The following SH3BP4 variants were observed in gnomAD, a reference collection of about 807,000 sequenced individuals.
SH3BP4 encodes the protein SH3 domain binding protein 4, also known as SH3 domain-binding protein 4.
SH3BP4 carries 33 observed loss-of-function variants against 65.5 expected under a neutral mutation model. The ratio of observed to expected loss-of-function variants is 0.50; its 90% confidence interval spans 0.38 to 0.67. SH3BP4 has a LOEUF of 0.67. Among genes scored for constraint, SH3BP4 ranks in the 30% least tolerant of loss-of-function variants. The pLI is 0.00. For missense variants in SH3BP4, 1,134 were observed against 1,261.4 expected, an observed-to-expected ratio of 0.90 and a Z score of 1.53; for synonymous variants, 552 against 545.5, an observed-to-expected ratio of 1.01 and a Z score of -0.17.
intron 2 of SH3BP4, among the ~76,000 whole-genome samples, chr2:235,028,721 AAG>A (rs1258845692): frequency 6.6e-6 from 1 of 152,142 alleles, no homozygotes; most frequent in Non-Finnish European, 1.5e-5. Context: ...AGGGCAGAGA[AAG>A]AGGATGGGGT....
At chr2:234,970,027 ACACT>A (rs1692945169) in intron 1 of SH3BP4, among the ~76,000 whole-genome samples, 2 of 150,290 alleles carry the variant, frequency 1.3e-5, no homozygotes, top group African/African-American at 2.5e-5. Context: ...ACACTGTCAC[ACACT>A]CACAAATACA....
chr2:234,960,240 T>G (rs1692675925), intron 1 of SH3BP4, among the ~76,000 whole-genome samples: 2 of 152,262 alleles, frequency 1.3e-5, no homozygotes, highest in Non-Finnish European at 1.5e-5. Context: ...TGGTTGTGGT[T>G]CTTCCTGCTG....
chr2:235,018,309 A>G (rs1339393063), intron 2 of SH3BP4, among the ~76,000 whole-genome samples: 1 of 151,798 alleles, frequency 6.6e-6, no homozygotes, highest in African/African-American at 2.4e-5. Context: ...AATAAATCAA[A>G]CAAAACAGCA....
intron 1 of SH3BP4, among the ~76,000 whole-genome samples, chr2:234,964,556 G>T (rs1692791467): frequency 6.6e-6 from 1 of 152,042 alleles, no homozygotes; most frequent in Non-Finnish European, 1.5e-5. Flanking sequence ...GTCAGGACAG[G>T]ATCCCTAAAG....
intron 2 of SH3BP4, among the ~76,000 whole-genome samples, chr2:235,009,798 C>A (rs1192664738): frequency 7.3e-6 from 1 of 137,184 alleles, no homozygotes; most frequent in African/African-American, 2.5e-5. Flanking sequence ...CAGGAGAAAA[C>A]CCTCTACCTT....
chr2:234,965,521 G>A (rs1011885898), intron 1 of SH3BP4, among the ~76,000 whole-genome samples: 2 of 152,160 alleles, frequency 1.3e-5, no homozygotes, highest in African/African-American at 4.8e-5. Context: ...TAGGAAAACC[G>A]GCTGTCCTCA....
chr2:235,022,225 G>A (rs971572707), intron 2 of SH3BP4, among the ~76,000 whole-genome samples: 8 of 152,174 alleles, frequency 5.3e-5, no homozygotes, highest in East Asian at 1.9e-4. Context: ...AGCAGAAGGT[G>A]CAAAATGATA....
intron 2 of SH3BP4, among the ~76,000 whole-genome samples, chr2:235,009,135 T>C (rs1041494691): frequency 1.3e-5 from 2 of 152,212 alleles, no homozygotes; most frequent in African/African-American, 4.8e-5. Context: ...GGGTAGAATA[T>C]ACTTGCCTCC....
chr2:234,998,772 T>C (rs1004369009), intron 2 of SH3BP4, among the ~76,000 whole-genome samples: 8 of 152,206 alleles, frequency 5.3e-5, no homozygotes, highest in Admixed American at 1.3e-4. Flanking sequence ...GAGGTTTGCA[T>C]TGGGCTATGT....
rs774274336 is a variant in SH3BP4, at chr2:234,977,615, G to A, written c.-206-17688G>A. On this transcript the variant is annotated intron_variant, in intron 1 of 5. Transcript: ENST00000392011. The surrounding 1 kb of genome is among the most constrained non-coding windows in gnomAD (Gnocchi z 5.1). ...GCCAGCCCCCACTAATCCCATTAGCGACTTAGGGGTGAGTGGATGGAAAAC... is the reference window on the plus strand; with the variant it reads ...GCCAGCCCCCACTAATCCCATTAGCAACTTAGGGGTGAGTGGATGGAAAAC... Among the ~76,000 whole-genome samples, 7 of 152,254 alleles carry A rather than the reference G, an allele frequency of 4.6e-5. No homozygotes were observed. Among genetic ancestry groups the A allele is most frequent in the Non-Finnish European group, 7.4e-5 (5 of 68,016 alleles).
chr2:235,028,368 C>CCGAGGTG (rs1289155371), intron 2 of SH3BP4, among the ~76,000 whole-genome samples: 1 of 152,136 alleles, frequency 6.6e-6, no homozygotes, highest in Non-Finnish European at 1.5e-5. Flanking sequence ...CCAGGTAAAC[C>CCGAGGTG]CGAGGTGCCC....
chr2:235,001,074 C>T (rs1694082662), intron 2 of SH3BP4, among the ~76,000 whole-genome samples: 1 of 152,238 alleles, frequency 6.6e-6, no homozygotes, highest in South Asian at 2.1e-4. Context: ...TCTCTGCCTC[C>T]AGTTTTTGAG....
At chr2:234,992,079 G>A (rs184027153) in intron 1 of SH3BP4, among the ~76,000 whole-genome samples, 2 of 152,322 alleles carry the variant, frequency 1.3e-5, no homozygotes, top group Admixed American at 6.5e-5. Flanking sequence ...GGGCTTGCAG[G>A]GCCCTTATCC....
chr2:234,984,200 C>CGTTT (rs112568346), intron 1 of SH3BP4, among the ~76,000 whole-genome samples: 115 of 152,096 alleles, frequency 7.6e-4, no homozygotes, highest in South Asian at 2.3e-3. Flanking sequence ...TATGAGTTTT[C>CGTTT]GTTTGTTTGT....
chr2:234,956,601 T>G (rs1692591586), intron 1 of SH3BP4, among the ~76,000 whole-genome samples: 1 of 151,212 alleles, frequency 6.6e-6, no homozygotes, highest in Non-Finnish European at 1.5e-5. Context: ...TTGCCCAGGC[T>G]GGAGTGCAGT....
At chr2:234,972,890 T>G (rs1277462622) in intron 1 of SH3BP4, among the ~76,000 whole-genome samples, 1 of 152,206 alleles carries the variant, frequency 6.6e-6, no homozygotes, top group East Asian at 1.9e-4. Context: ...AAGCCACCTT[T>G]ACCTTTGCAG....
rs1312446775 is a variant in SH3BP4, at chr2:235,035,788, T to C, written c.118+668T>C. On this transcript the variant is annotated intron_variant, in intron 3 of 5. Transcript: ENST00000392011. This position sits in a 1 kb window ranked among gnomAD's most constrained non-coding sequence, Gnocchi z 5.0. ...TTGAGTTCATGAGAAAACCTATCTT[T>C]TGGACACCAAGGTGAATACTAGCAG... Among the ~76,000 whole-genome samples, 1 of 152,192 alleles carries C rather than the reference T, an allele frequency of 6.6e-6. No individual in the cohort carries two copies. The highest frequency in any genetic ancestry group is 6.5e-5 in the Admixed American group (1 of 15,276).
Position 235,054,706 on chromosome 2 carries a change from T to C in SH3BP4, c.*890T>C, listed in dbSNP as rs760460064. ...TGTTTTTTCCTTGAGGTCAAAGCAGTGCTTCCCATAGAGTTTGCTGCCTCT... is the reference window on the plus strand; with the variant it reads ...TGTTTTTTCCTTGAGGTCAAAGCAGCGCTTCCCATAGAGTTTGCTGCCTCT... On this transcript the variant is annotated 3_prime_UTR_variant, in exon 6 of 6. Transcript: ENST00000392011. 6.6e-6 allele frequency: 1 copy of C among 152,220 alleles called. No homozygotes were observed. The highest frequency in any genetic ancestry group is 1.9e-4 in the East Asian group (1 of 5,196). 9.4% of individuals were successfully genotyped at this position (152,220 alleles called of 1,614,324 possible). A position where few individuals can be genotyped will look rare whatever the true frequency, so the allele number is the denominator to read the frequency against.
rs1375667650 is a variant in SH3BP4 at position 235,042,203 on chromosome 2, C to T, written c.1434C>T (p.Leu478=). 5 of 1,614,006 alleles carry T rather than the reference C, an allele frequency of 3.1e-6. No individual in the cohort carries two copies. Among genetic ancestry groups the T allele is most frequent in the East Asian group, 2.2e-5 (1 of 44,868 alleles). ...DFINKKVTVG[L]YGPKHIHPSF... Reference sequence around the variant, plus strand: ...TCAATAAAAAAGTCACAGTGGGTCTCTACGGCCCTAAACACATCCACCCAT... The same window carrying T: ...TCAATAAAAAAGTCACAGTGGGTCTTTACGGCCCTAAACACATCCACCCAT... Residue 478 remains leucine (L), a synonymous_variant, in exon 4 of 6, where the codon CTC becomes CTT. Transcript: ENST00000392011. This position sits in a 1 kb window ranked among gnomAD's most constrained non-coding sequence, Gnocchi z 7.3.
Sources: gnomAD v4.1 joint callset for allele counts (sites outside exome capture counted in the v4.1 genomes callset) on GRCh38, gnomAD v4.1.1 for gene constraint, Gnocchi (gnomAD v3.1) non-coding constraint, MANE v1.5 for transcripts, NCBI Gene and HGNC (gene_info 2026-07-23, HGNC 2026-07-21) for gene names.